CLUH: variants seen among roughly 807,000 people sequenced by gnomAD.
CLUH encodes the protein CLUH binding protein of NUMT mRNA.
A neutral mutation model predicts 139.3 loss-of-function variants in CLUH; 77 were observed. The observed-to-expected ratio is 0.55, with a 90% CI of 0.46 to 0.67. CLUH has a LOEUF of 0.67. Ranked by LOEUF, CLUH falls within the 30% of genes least tolerant of loss-of-function variation. The pLI, the probability that CLUH is intolerant of heterozygous loss-of-function variation, is 0.00. For synonymous variants in CLUH, 999 were observed against 801.6 expected (o/e 1.25, Z -4.16); for missense variants, 1,876 against 1,875.8 (o/e 1.00, Z 0.00).
Position 2,704,285 on chromosome 17 carries a change from G to T in CLUH, c.303+77C>A. 1 of 1,469,658 alleles carries T rather than the reference G, an allele frequency of 6.8e-7. No individual in the cohort carries two copies. The highest frequency in any genetic ancestry group is 1.3e-5 in the South Asian group (1 of 79,760). The allele number at this position is 1,469,658 out of a possible 1,614,324, so 91.0% of individuals were successfully genotyped here. A position where few individuals can be genotyped will look rare whatever the true frequency, so the allele number is the denominator to read the frequency against. ...CACAAAATGGGGCCGGTAGGAGCACGAGCAAGGCTGAGCTTTCCAGCTCAC... is the reference window on the plus strand; with the variant it reads ...CACAAAATGGGGCCGGTAGGAGCACTAGCAAGGCTGAGCTTTCCAGCTCAC... On this transcript the variant is annotated intron_variant, in intron 2 of 25. Coordinates refer to ENST00000651024, the MANE Select transcript of CLUH (RefSeq NM_001366661.1). The surrounding 1 kb of genome is among the most constrained non-coding windows in gnomAD (Gnocchi z 5.7).
chr17:2,705,959 T>C (rs1025578754), intron 1 of CLUH, among the ~76,000 whole-genome samples: 1 of 152,142 alleles, frequency 6.6e-6, no homozygotes, highest in Non-Finnish European at 1.5e-5. Flanking sequence ...ATCTAGGAGA[T>C]GAGGACCTTG....
In CLUH at chr17:2,696,342, G is replaced by T. The variant is rs1190619939; in HGVS notation, c.2291-83C>A. 4 of 1,502,324 alleles carry T rather than the reference G, an allele frequency of 2.7e-6. No homozygotes were observed. The East Asian group carries it at 9.8e-5, about 37-fold the overall frequency. 93.1% of individuals were successfully genotyped at this position (1,502,324 alleles called of 1,614,324 possible). On this transcript the variant is annotated intron_variant, in intron 12 of 25. Transcript: ENST00000651024. ...GCGCTGGCGGGGGAAGCGCTCAGAT[G>T]GGGGACAAACCCACCAGCCCCAAGG...
In CLUH at chr17:2,707,728, G is replaced by A. The variant is rs1309936456; in HGVS notation, c.101-3164C>T. On this transcript the variant is annotated intron_variant, in intron 1 of 25. Transcript: ENST00000651024. This position sits in a 1 kb window ranked among gnomAD's most constrained non-coding sequence, Gnocchi z 7.4. Reference sequence around the variant, plus strand: ...TGCCGCCAACAGCTGGCACAGACCCGGGTCCAGGCCATAAGGTGGCTGCCT... The same window carrying A: ...TGCCGCCAACAGCTGGCACAGACCCAGGTCCAGGCCATAAGGTGGCTGCCT... 26 of 985,402 alleles carry A rather than the reference G, an allele frequency of 2.6e-5. No homozygotes were observed. The highest frequency in any genetic ancestry group is 5.2e-4 in the Middle Eastern group (1 of 1,914). 61.0% of individuals were successfully genotyped at this position (985,402 alleles called of 1,614,324 possible). A position where few individuals can be genotyped will look rare whatever the true frequency, so the allele number is the denominator to read the frequency against.
chr17:2,703,330 G>C lies in CLUH; in HGVS notation c.463C>G (p.Arg155Gly). ...CTTCCAGACCAACCTTCCACCACAC[G>C]CAGCACAGAGCCCTCCTGCAGCCCC... ...VEGLQEGSVL[R>G]VVEEPYTVRE... is the part of the protein sequence containing the mutation. The change falls in exon 3 of 26, where the codon CGT (arginine) becomes GGT (glycine). Residue 155 changes from arginine to glycine, a missense_variant. Physicochemically the swap from Arg to Gly is moderately radical, Grantham distance 125. This residue lies in a region of CLUH where 270 missense variants were observed against 354.7 expected (regional missense o/e 0.76). Transcript: ENST00000651024. The surrounding 1 kb of genome is among the most constrained non-coding windows in gnomAD (Gnocchi z 4.2). The C allele has an allele frequency of 1.9e-6, 3 of 1,611,218 alleles. No individual in the cohort carries two copies. Among genetic ancestry groups the C allele is most frequent in the Non-Finnish European group, 2.5e-6 (3 of 1,178,860 alleles).
intron 10 of CLUH, among the ~76,000 whole-genome samples, chr17:2,697,423 T>G (rs904976699): frequency 2.0e-4 from 29 of 147,684 alleles, no homozygotes; most frequent in African/African-American, 7.3e-4. Context: ...AAAAGGCAGC[T>G]GCGTTCTGGA....
Position 2,698,030 on chromosome 17 carries a change from G to A in CLUH, c.1827C>T (p.Pro609=), listed in dbSNP as rs1197093270. 2 of 1,605,488 alleles carry A rather than the reference G, an allele frequency of 1.2e-6. No individual in the cohort carries two copies. Among genetic ancestry groups the A allele is most frequent in the Middle Eastern group, 1.6e-4 (1 of 6,062 alleles). Residue 609 remains proline, a synonymous_variant, in exon 10 of 26, where the codon CCC becomes CCT. Coordinates refer to ENST00000651024, the MANE Select transcript of CLUH (RefSeq NM_001366661.1). ...HYILDLLRTF[P]PDLNFLPVPG... is the part of the protein sequence containing the mutation. ...GCACGGGCAGGAAGTTGAGGTCCGG[G>A]GGGAAGGTGCGCAGCAGGTCGAGGA...
At chr17:2,694,826 A>AC in intron 16 of CLUH, 31 bp downstream of exon 16, 26 of 796,112 alleles carry the variant, frequency 3.3e-5, no homozygotes, top group African/African-American at 6.3e-5. Context: ...GCCCAATCCC[A>AC]CCCACCCCAC....
intron 1 of CLUH, chr17:2,708,050 C>T: frequency 1.0e-6 from 1 of 976,186 alleles, no homozygotes; most frequent in Non-Finnish European, 1.2e-6. Context: ...GAGCTGGCAG[C>T]AAGAGGCCAG....
At chr17:2,691,348 G>A (rs567077450) in intron 25 of CLUH, among the ~76,000 whole-genome samples, 19 of 152,130 alleles carry the variant, frequency 1.2e-4, no homozygotes, top group Non-Finnish European at 2.5e-4. Flanking sequence ...CGGATCGCAA[G>A]GTTAAGAGTT....
Position 2,698,456 on chromosome 17 carries a change from G to T in CLUH, c.1401C>A (p.Gly467=), listed in dbSNP as rs979556087. ...FIWNNIFFSL[G]FDVRDHYKDF... The stretch of plus-strand genomic sequence containing the variant: ...CCTTGTAGTGGTCTCGGACGTCGAA[G>T]CCCAGGCTGAAGAAGATGTTGTTCC... Residue 467 remains glycine (G), a synonymous_variant, in exon 10 of 26, where the codon GGC becomes GGA. Coordinates refer to ENST00000651024, the MANE Select transcript of CLUH (RefSeq NM_001366661.1). 2 of 1,613,244 alleles carry T rather than the reference G, an allele frequency of 1.2e-6. No homozygotes were observed. Among genetic ancestry groups the T allele is most frequent in the Non-Finnish European group, 1.7e-6 (2 of 1,179,856 alleles).
chr17:2,692,606 A>ACAC lies in CLUH; in HGVS notation c.3400_3402dup (p.Val1134dup). On this transcript the variant is annotated inframe_insertion, in exon 21 of 26. Transcript: ENST00000651024. ...GCCATCTCGGGGTGGTCTTCCCCGA[A>ACAC]CACCAGCAGCATGAGGTAGCGGGCG... is the stretch of plus-strand genomic sequence containing the variant. 6.2e-7 allele frequency: 1 copy of ACAC among 1,612,750 alleles called. No individual in the cohort carries two copies. Among genetic ancestry groups the ACAC allele is most frequent in the Non-Finnish European group, 8.5e-7 (1 of 1,179,590 alleles).
rs2070169323 is a variant in CLUH at position 2,701,278 on chromosome 17, G to A, written c.900-13C>T. The A allele has an allele frequency of 1.2e-6, 2 of 1,610,574 alleles. No homozygotes were observed. Among genetic ancestry groups the A allele is most frequent in the Admixed American group, 1.7e-5 (1 of 59,528 alleles). ...ATAAGCTGTGGACCTGCAGGGAGAGGGCGGGCACTGAGCGGGGGCCCAGGT... is the reference window on the plus strand; with the variant it reads ...ATAAGCTGTGGACCTGCAGGGAGAGAGCGGGCACTGAGCGGGGGCCCAGGT... On this transcript the variant is annotated splice_polypyrimidine_tract_variant and intron_variant, in intron 6 of 25. Coordinates refer to ENST00000651024, the MANE Select transcript of CLUH (RefSeq NM_001366661.1).
In CLUH at chr17:2,698,431, C is replaced by T. The variant is rs756266614; in HGVS notation, c.1426G>A (p.Asp476Asn). The T allele has an allele frequency of 9.3e-6, 15 of 1,613,386 alleles. No homozygotes were observed. In the South Asian group the frequency reaches 1.5e-4, roughly 17 times the overall value. Residue 476 changes from aspartate to asparagine, a missense_variant, in exon 10 of 26, where the codon GAC becomes AAC. Around this residue, in one of 3 missense-constraint regions of CLUH, gnomAD observed 1,454 missense variants for 1,384.4 expected, o/e 1.05. Transcript: ENST00000651024. Reference sequence around the variant, plus strand: ...TAGGCCGCCACGTCCCCCCCGAAGTCCTTGTAGTGGTCTCGGACGTCGAAG... The same window carrying T: ...TAGGCCGCCACGTCCCCCCCGAAGTTCTTGTAGTGGTCTCGGACGTCGAAG... Reference protein sequence around the residue: ...LGFDVRDHYKDFGGDVAAYVA... With the variant: ...LGFDVRDHYKNFGGDVAAYVA...
At chr17:2,694,822 T>TACCCCCCCCCCCC in intron 16 of CLUH, 35 bp downstream of exon 16, 30 of 1,346,316 alleles carry the variant, frequency 2.2e-5, no homozygotes, top group Non-Finnish European at 2.8e-5. Context: ...ATCTGCCCAA[T>TACCCCCCCCCCCC]CCCACCCACC....
Position 2,711,575 on chromosome 17 carries a change from C to T in CLUH, c.87G>A (p.Arg29=). The T allele has an allele frequency of 1.0e-6, 1 of 981,700 alleles. No individual in the cohort carries two copies. The highest frequency in any genetic ancestry group is 1.2e-6 in the Non-Finnish European group (1 of 827,554). The allele number at this position is 981,700 out of a possible 1,614,324, so 60.8% of individuals were successfully genotyped here. Residue 29 remains arginine (R), a synonymous_variant, in exon 1 of 26, where the codon CGG becomes CGA. Transcript: ENST00000651024. ...GGCCCCGCTCACCGGCCGCGCCCGG[C>T]CGCCCCTTGCCCCCGGCCTGCGAGC... ...EHGSQAGGKG[R]PGAAELPSVM...
chr17:2,704,485 C>T lies in CLUH; in HGVS notation c.180G>A (p.Arg60=). ...KKEAAAAEPP[R]ENGLDEAGPG... ...GGCCGGCCTCGTCAAGCCCATTTTC[C>T]CTGGGTGGCTCGGCCGCCGCCGCCT... Residue 60 remains arginine (R), a synonymous_variant, in exon 2 of 26, where the codon AGG becomes AGA. Transcript: ENST00000651024. This position sits in a 1 kb window ranked among gnomAD's most constrained non-coding sequence, Gnocchi z 5.7. 6.3e-7 allele frequency: 1 copy of T among 1,595,658 alleles called. No individual in the cohort carries two copies. The highest frequency in any genetic ancestry group is 2.3e-5 in the East Asian group (1 of 43,760).
chr17:2,691,951 G>GCCCCCGCGGCCCCGC, intron 23 of CLUH, 53 bp downstream of exon 23: 1 of 1,098,524 alleles, frequency 9.1e-7, no homozygotes, highest in South Asian at 1.8e-5. Context: ...CCCCGCCCCC[G>GCCCCCGCGGCCCCGC]CCCCGCCACG....
intron 16 of CLUH, 44 bp from the exon 17 acceptor site, chr17:2,694,608 G>C (rs1567581710): frequency 1.3e-6 from 2 of 1,516,638 alleles, no homozygotes; most frequent in South Asian, 2.4e-5. Flanking sequence ...GCACCGCCGG[G>C]CCCCCCCAAC....
intron 13 of CLUH, chr17:2,695,843 C>T: frequency 1.7e-6 from 1 of 575,970 alleles, no homozygotes; most frequent in Non-Finnish European, 3.1e-6. Flanking sequence ...ATCCTGGAAC[C>T]AGACACAGAG....
Sources: allele counts gnomAD v4.1 joint callset (sites outside exome capture counted in the v4.1 genomes callset), GRCh38; gene constraint gnomAD v4.1.1; regional missense constraint gnomAD v4.1.1; non-coding constraint Gnocchi (gnomAD v3.1); transcripts MANE v1.5; gene names NCBI Gene and HGNC (gene_info 2026-07-23, HGNC 2026-07-21).